ACP4: variants seen among roughly 807,000 people sequenced by gnomAD.
ACP4 encodes the protein testicular acid phosphatase.
Under a neutral mutation model 47.3 loss-of-function variants are expected in ACP4, and 49 were observed. The observed-to-expected ratio is 1.04, with a 90% CI of 0.82 to 1.32. ACP4 has a LOEUF of 1.32. Ranked by LOEUF, ACP4 falls within the 40% of genes most tolerant of loss-of-function variation. ACP4 has a pLI of 0.00. For synonymous variants in ACP4, 299 were observed against 265.3 expected (o/e 1.13, Z -1.23); for missense variants, 594 against 579.3 (o/e 1.03, Z -0.26).
Position 50,794,037 on chromosome 19 carries a change from T to A in ACP4, c.861+67T>A, listed in dbSNP as rs921499570. On this transcript the variant is annotated intron_variant, in intron 8 of 10. Transcript: ENST00000270593. ...GGGATGAGGGTGACAGCGATTTAGG[T>A]GAGGAAGAGCCTGTGGTCCCAGTGG... The A allele has an allele frequency of 2.5e-6, 4 of 1,574,214 alleles. No individual in the cohort carries two copies. In the African/African-American group the frequency reaches 4.0e-5, roughly 16 times the overall value.
intron 9 of ACP4, 85 bp downstream of exon 9, chr19:50,794,666 G>A: frequency 6.2e-7 from 1 of 1,604,396 alleles, no homozygotes; most frequent in Non-Finnish European, 8.5e-7. Flanking sequence ...GGCATGGCCA[G>A]GTGGGGAGCT....
chr19:50,792,534 C>T (rs2089519085), intron 6 of ACP4, 197 bp downstream of exon 6: 6 of 608,672 alleles, frequency 9.9e-6, no homozygotes, highest in Non-Finnish European at 1.7e-5. Flanking sequence ...TTAATCCACG[C>T]ACTGTGCTTA....
At position 50,794,527 on chromosome 19, in the gene ACP4, C is replaced by A; in HGVS notation, c.932C>A (p.Ala311Asp). 1 of 1,614,054 alleles carries A rather than the reference C, an allele frequency of 6.2e-7. No homozygotes were observed. ...LYDGHTPPYAACLGFEFRKHL... is the reference protein window; with the variant it reads ...LYDGHTPPYADCLGFEFRKHL... ...GATGGACACACCCCGCCATATGCTG[C>A]CTGCCTCGGCTTTGAGTTCCGGAAG... The change falls in exon 9 of 11, where the codon GCC (alanine) becomes GAC (aspartate). Residue 311 changes from alanine to aspartate, a missense_variant. Ala to Asp is a moderately radical substitution (Grantham distance 126, BLOSUM62 -2). Coordinates refer to ENST00000270593, the MANE Select transcript of ACP4 (RefSeq NM_033068.3).
intron 2 of ACP4, 25 bp downstream of exon 2, chr19:50,790,723 G>A: frequency 1.2e-6 from 1 of 867,098 alleles, no homozygotes; most frequent in Non-Finnish European, 1.7e-6. Flanking sequence ...GGCGGTGAGG[G>A]CAAGGGTGGG....
In ACP4 at chr19:50,790,761, G is replaced by C. The variant is rs1390993996; in HGVS notation, c.217-13G>C. 4 of 1,546,354 alleles carry C rather than the reference G, an allele frequency of 2.6e-6. No individual in the cohort carries two copies. The highest frequency in any genetic ancestry group is 2.6e-6 in the Non-Finnish European group (3 of 1,146,138). On this transcript the variant is annotated splice_polypyrimidine_tract_variant and intron_variant, in intron 2 of 10. Coordinates refer to ENST00000270593, the MANE Select transcript of ACP4 (RefSeq NM_033068.3). ...GGGTGGGGAGTGGTAGGCTGAGGCTGTTCTGTCCCCAGGAGGGGGTCCGCC... is the reference window on the plus strand; with the variant it reads ...GGGTGGGGAGTGGTAGGCTGAGGCTCTTCTGTCCCCAGGAGGGGGTCCGCC...
Position 50,793,673 on chromosome 19 carries a change from T to C in ACP4, c.646-11T>C. On this transcript the variant is annotated splice_polypyrimidine_tract_variant and intron_variant, in intron 6 of 10. Transcript: ENST00000270593. ...GGCTCAGGATGGTCCATCTGTCCTG[T>C]CTCCCCACAGCAAGCCCACGGTCTT... The C allele has an allele frequency of 6.2e-7, 1 of 1,612,394 alleles. No homozygotes were observed. Among genetic ancestry groups the C allele is most frequent in the Non-Finnish European group, 8.5e-7 (1 of 1,179,622 alleles).
intron 6 of ACP4, 107 bp from the exon 7 acceptor site, chr19:50,793,577 G>A: frequency 6.8e-7 from 1 of 1,479,504 alleles, no homozygotes; most frequent in Non-Finnish European, 9.2e-7. Context: ...GCCAGATCCA[G>A]ATCCGGCCCA....
At chr19:50,791,973 C>T (rs2089512617) in intron 4 of ACP4, 100 bp from the exon 5 acceptor site, 24 of 1,459,800 alleles carry the variant, frequency 1.6e-5, no homozygotes, top group Non-Finnish European at 2.2e-5. Context: ...GGAGAAACTG[C>T]GACAAAGACG....
intron 3 of ACP4, 26 bp downstream of exon 3, chr19:50,790,886 GC>G (rs2089499094): frequency 5.2e-6 from 8 of 1,535,192 alleles, no homozygotes; most frequent in Admixed American, 4.0e-5. Flanking sequence ...CCCCCACCTG[GC>G]CCCCTGACCT....
At chr19:50,792,481 C>A in intron 6 of ACP4, 144 bp downstream of exon 6, 1 of 746,052 alleles carries the variant, frequency 1.3e-6, no homozygotes, top group Non-Finnish European at 2.2e-6. Context: ...ATGGCAACAC[C>A]GGTATCAACA....
At chr19:50,793,359 A>T (rs927348135) in intron 6 of ACP4, 7 of 271,424 alleles carry the variant, frequency 2.6e-5, no homozygotes, top group Admixed American at 1.4e-4. Flanking sequence ...AAAATAAAAA[A>T]AAAAAATTAG....
In ACP4 at chr19:50,795,181, C is replaced by A. The variant is rs762055596; in HGVS notation, c.*23C>A. 16 of 1,516,338 alleles carry A rather than the reference C, an allele frequency of 1.1e-5. No individual in the cohort carries two copies. The highest frequency in any genetic ancestry group is 1.2e-5 in the Non-Finnish European group (14 of 1,133,018). The allele number at this position is 1,516,338 out of a possible 1,614,324, so 93.9% of individuals were successfully genotyped here. On this transcript the variant is annotated 3_prime_UTR_variant, in exon 11 of 11. Transcript: ENST00000270593. ...TGAGCCAGAAACCAGGGCTTCCCTA[C>A]CCCCAGCTGACACTGGACCCCAACA...
intron 9 of ACP4, 74 bp downstream of exon 9, chr19:50,794,655 G>A: frequency 6.2e-7 from 1 of 1,608,880 alleles, no homozygotes. Flanking sequence ...GTCAGGCAGA[G>A]GGCATGGCCA....
chr19:50,790,833 C>A lies in ACP4; in HGVS notation c.276C>A (p.Phe92Leu). ...TCCTGAGGAGCCGCTACGAGGCCTTCCTGAGTCCGGAGTACCGGCGGGAGG... is the reference window on the plus strand; with the variant it reads ...TCCTGAGGAGCCGCTACGAGGCCTTACTGAGTCCGGAGTACCGGCGGGAGG... ...GRFLRSRYEAFLSPEYRREEV... is the reference protein window; with the variant it reads ...GRFLRSRYEALLSPEYRREEV... The change falls in exon 3 of 11, where the codon TTC becomes TTA. Residue 92 changes from phenylalanine (F) to leucine (L), a missense_variant. Coordinates refer to ENST00000270593, the MANE Select transcript of ACP4 (RefSeq NM_033068.3). 1 of 1,548,946 alleles carries A rather than the reference C, an allele frequency of 6.5e-7. No homozygotes were observed. The highest frequency in any genetic ancestry group is 8.7e-7 in the Non-Finnish European group (1 of 1,146,792).
intron 3 of ACP4, 44 bp downstream of exon 3, chr19:50,790,904 T>C (rs372492348): frequency 3.8e-5 from 57 of 1,510,766 alleles, no homozygotes; most frequent in Non-Finnish European, 5.0e-5. Flanking sequence ...ACCTCCCACC[T>C]GTGACCTCCA....
At chr19:50,792,498 C>T (rs1048550247) in intron 6 of ACP4, 161 bp downstream of exon 6, 7 of 667,594 alleles carry the variant, frequency 1.0e-5, no homozygotes, top group Middle Eastern at 2.9e-4. Context: ...AACACCTCCC[C>T]AGGACGCTGT....
In ACP4 at chr19:50,792,402, C is replaced by T. The variant is rs186852538; in HGVS notation, c.645+65C>T. ...CTGTTTCCAATCCCAGCTTGCTACTCACTAGCTGTGTTCCCTCAGGCATGT... is the reference window on the plus strand; with the variant it reads ...CTGTTTCCAATCCCAGCTTGCTACTTACTAGCTGTGTTCCCTCAGGCATGT... On this transcript the variant is annotated intron_variant, in intron 6 of 10. Coordinates refer to ENST00000270593, the MANE Select transcript of ACP4 (RefSeq NM_033068.3). 4,497 of 1,506,686 alleles carry T rather than the reference C, an allele frequency of 3.0e-3. 13 individuals carry two copies. Among genetic ancestry groups the T allele is most frequent in the Non-Finnish European group, 3.9e-3 (4,253 of 1,101,074 alleles). The allele number at this position is 1,506,686 out of a possible 1,614,324, so 93.3% of individuals were successfully genotyped here. A position where few individuals can be genotyped will look rare whatever the true frequency, so the allele number is the denominator to read the frequency against.
rs141072588 is a variant in ACP4 at position 50,794,822 on chromosome 19, C to T, written c.1023C>T (p.Ser341=). ...TCTCCCTCTTCTACCGCAATGACTC[C>T]GCCCACCTGCCCCTGCCTCTCAGCC... ...VTVSLFYRND[S]AHLPLPLSLP... The change falls in exon 10 of 11, where the codon TCC becomes TCT. Residue 341 remains serine (S), a synonymous_variant. Transcript: ENST00000270593. 318 of 1,610,664 alleles carry T rather than the reference C, an allele frequency of 2.0e-4. 1 individual carries two copies. The highest frequency in any genetic ancestry group is 1.8e-3 in the Middle Eastern group (11 of 6,036).
intron 6 of ACP4, chr19:50,793,398 A>G (rs2089526377): frequency 2.4e-6 from 1 of 410,396 alleles, no homozygotes; most frequent in East Asian, 4.2e-5. Flanking sequence ...ACTTGTAATC[A>G]CAGCTACTTG....
Sources: gnomAD v4.1 joint callset for allele counts on GRCh38, gnomAD v4.1.1 for gene constraint, MANE v1.5 for transcripts, NCBI Gene and HGNC (gene_info 2026-07-23, HGNC 2026-07-21) for gene names.